The following ADAM18 variants were observed in gnomAD, a reference collection of about 807,000 sequenced individuals.
ADAM18 encodes disintegrin and metalloproteinase domain-containing protein 18.
In ADAM18, 117 loss-of-function variants were observed where a neutral mutation model predicts 94.4. The ratio of observed to expected loss-of-function variants is 1.24; its 90% CI spans 1.07 to 1.45. ADAM18 has a LOEUF of 1.45. Among genes scored for constraint, ADAM18 ranks in the 40% most tolerant of loss-of-function variants. The pLI is 0.00. For synonymous variants in ADAM18, 327 were observed against 291.6 expected (o/e 1.12, Z -1.24); for missense variants, 936 against 880.0 (o/e 1.06, Z -0.81).
chr8:39,643,756 C>G (rs555122778), intron 10 of ADAM18, among the ~76,000 whole-genome samples: 1 of 151,808 alleles, frequency 6.6e-6, no homozygotes, highest in Admixed American at 6.6e-5. Context: ...ACATGAAGTT[C>G]TTTCTGTGTC....
intron 16 of ADAM18, among the ~76,000 whole-genome samples, chr8:39,684,819 C>T (rs965149200): frequency 3.9e-5 from 6 of 152,188 alleles, no homozygotes; most frequent in Non-Finnish European, 5.9e-5. Flanking sequence ...CCCGGTGCCT[C>T]ATTTCAGGCC....
Position 39,677,532 on chromosome 8 carries a change from C to G in ADAM18, c.1627C>G (p.Arg543Gly). ...FKNSQPLPCE[R>G]KDVLCGKLAC... ...AAATTCACAACCATTACCTTGTGAA[C>G]GGAAGTACGTATGTAGAAAATGATT... The change falls in exon 15 of 20, where the codon CGG (arginine) becomes GGG (glycine). Residue 543 changes from arginine (R) to glycine (G), a missense_variant. Physicochemically the swap from Arg to Gly is moderately radical, Grantham distance 125. Transcript: ENST00000265707. 6.3e-7 allele frequency: 1 copy of G among 1,589,880 alleles called. No individual in the cohort carries two copies. The highest frequency in any genetic ancestry group is 8.6e-7 in the Non-Finnish European group (1 of 1,168,898).
intron 12 of ADAM18, among the ~76,000 whole-genome samples, chr8:39,659,003 A>G (rs1441387147): frequency 6.6e-6 from 1 of 152,180 alleles, no homozygotes; most frequent in Non-Finnish European, 1.5e-5. Context: ...AAATGTAAAG[A>G]ACACTTCACA....
Position 39,610,633 on chromosome 8 carries a change from T to C in ADAM18, c.449T>C (p.Val150Ala), listed in dbSNP as rs148690264. The change falls in exon 6 of 20, where the codon GTA becomes GCA. Residue 150 changes from valine to alanine, a missense_variant. Coordinates refer to ENST00000265707, the MANE Select transcript of ADAM18 (RefSeq NM_014237.3). The stretch of plus-strand genomic sequence containing the variant: ...CAAATGAAAAATAATGATCCAAATG[T>C]ATCCATTTTAGCAGTAAATTACAGT... Reference protein sequence around the residue: ...IYQMKNNDPNVSILAVNYSHI... With the variant: ...IYQMKNNDPNASILAVNYSHI... 2.5e-6 allele frequency: 4 copies of C among 1,613,016 alleles called. No homozygotes were observed. Among genetic ancestry groups the C allele is most frequent in the Non-Finnish European group, 3.4e-6 (4 of 1,179,308 alleles).
intron 15 of ADAM18, among the ~76,000 whole-genome samples, chr8:39,679,327 A>G (rs1456049717): frequency 6.6e-6 from 1 of 152,178 alleles, no homozygotes; most frequent in Admixed American, 6.5e-5. Context: ...AGATTTCAAT[A>G]ATTTCAAGTA....
chr8:39,689,745 T>C (rs928842633), intron 16 of ADAM18, among the ~76,000 whole-genome samples: 14 of 152,222 alleles, frequency 9.2e-5, no homozygotes, highest in Non-Finnish European at 2.1e-4. Flanking sequence ...ATCTCAGTGG[T>C]GGTTTAATGA....
intron 19 of ADAM18, among the ~76,000 whole-genome samples, chr8:39,729,083 C>T (rs537886735): frequency 3.7e-4 from 56 of 152,216 alleles, no homozygotes; most frequent in African/African-American, 1.3e-3. Flanking sequence ...GAGGAGATAT[C>T]TCACTGTGGT....
In ADAM18 at chr8:39,609,565, A is replaced by G; in HGVS notation, c.344+4A>G. On this transcript the variant is annotated splice_donor_region_variant and intron_variant, in intron 5 of 19. Coordinates refer to ENST00000265707, the MANE Select transcript of ADAM18 (RefSeq NM_014237.3). ...TCAGTATATGTTCTGGTCTCAGGTAATAGCACCTTATAAGAAATCTATAGA... is the reference window on the plus strand; with the variant it reads ...TCAGTATATGTTCTGGTCTCAGGTAGTAGCACCTTATAAGAAATCTATAGA... 4 of 1,593,174 alleles carry G rather than the reference A, an allele frequency of 2.5e-6. No homozygotes were observed. The highest frequency in any genetic ancestry group is 2.6e-6 in the Non-Finnish European group (3 of 1,164,602).
intron 16 of ADAM18, among the ~76,000 whole-genome samples, chr8:39,688,951 T>A (rs922706723): frequency 6.6e-6 from 1 of 152,186 alleles, no homozygotes; most frequent in Non-Finnish European, 1.5e-5. Context: ...ATTTGCATTT[T>A]CTTAATGCTC....
intron 11 of ADAM18, among the ~76,000 whole-genome samples, chr8:39,647,939 C>T (rs1820429749): frequency 6.6e-6 from 1 of 152,130 alleles, no homozygotes; most frequent in African/African-American, 2.4e-5. Flanking sequence ...TTTCTTATGT[C>T]TTCTCTTTCT....
At chr8:39,629,791 G>T (rs949301441) in intron 7 of ADAM18, among the ~76,000 whole-genome samples, 3 of 151,578 alleles carry the variant, frequency 2.0e-5, no homozygotes, top group East Asian at 3.9e-4. Context: ...TAAAATAAAA[G>T]ATATTTTATT....
chr8:39,610,792 T>C (rs958154482), intron 6 of ADAM18, 86 bp downstream of exon 6: 37 of 1,456,030 alleles, frequency 2.5e-5, no homozygotes, highest in Non-Finnish European at 3.4e-5. Flanking sequence ...TTTAGTTAGC[T>C]GTTGAGTAGG....
chr8:39,592,663 T>C (rs2129458067), intron 2 of ADAM18, among the ~76,000 whole-genome samples: 1 of 152,218 alleles, frequency 6.6e-6, no homozygotes, highest in Non-Finnish European at 1.5e-5. Context: ...CATAAAATGA[T>C]GAAGAAAATA....
At position 39,723,878 on chromosome 8, in the gene ADAM18, A is replaced by G. The variant is rs764114365; in HGVS notation, c.2148A>G (p.Ser716=). 12 of 1,559,314 alleles carry G rather than the reference A, an allele frequency of 7.7e-6. No individual in the cohort carries two copies. The African/African-American group carries it at 1.5e-4, about 20-fold the overall frequency. ...VIFKRNEISK[S]CNRENAEYNR... is the part of the protein sequence containing the mutation. ...TTAAAAGAAATGAAATAAGTAAATC[A>G]TGTAACAGAGAGAATGCAGAGTATA... The change falls in exon 19 of 20, where the codon TCA becomes TCG. Residue 716 remains serine, a synonymous_variant. Transcript: ENST00000265707.
intron 19 of ADAM18, among the ~76,000 whole-genome samples, chr8:39,726,535 CTAT>C (rs763513173): frequency 7.9e-5 from 12 of 152,022 alleles, no homozygotes; most frequent in Non-Finnish European, 1.8e-4. Context: ...GTTTCTTTTG[CTAT>C]GCAAAAGCTT....
rs146300196 is a variant in ADAM18, at chr8:39,597,697, G to T, written c.133-8610G>T. Among the ~76,000 whole-genome samples the T allele has an allele frequency of 5.5e-3, 832 of 152,174 alleles. 22 individuals are homozygous for T. The highest frequency in any genetic ancestry group is 0.014 in the East Asian group (71 of 5,180). ...TACTGTAGCTTTATAGTTCAGTCTT[G>T]ACATCAGGTAGTGTCAGTCCTCCAA... On this transcript the variant is annotated intron_variant, in intron 2 of 19. Transcript: ENST00000265707.
At position 39,645,395 on chromosome 8, in the gene ADAM18, C is replaced by T; in HGVS notation, c.967C>T (p.Leu323Phe). ...FSVIIAQLLGLNVGLTYDDIT... is the reference protein window; with the variant it reads ...FSVIIAQLLGFNVGLTYDDIT... ...GGTTATTATAGCTCAACTGCTTGGCCTTAATGTAGGATTAACATATGATGA... is the reference window on the plus strand; with the variant it reads ...GGTTATTATAGCTCAACTGCTTGGCTTTAATGTAGGATTAACATATGATGA... Residue 323 changes from leucine to phenylalanine, a missense_variant, in exon 11 of 20, where the codon CTT becomes TTT. Physicochemically the swap from Leu to Phe is conservative, Grantham distance 22. Coordinates refer to ENST00000265707, the MANE Select transcript of ADAM18 (RefSeq NM_014237.3). 6.2e-7 allele frequency: 1 copy of T among 1,612,576 alleles called. No homozygotes were observed. The highest frequency in any genetic ancestry group is 8.5e-7 in the Non-Finnish European group (1 of 1,179,284).
rs181291944 is a variant in ADAM18, at chr8:39,713,519, G to A, written c.2017+6615G>A. On this transcript the variant is annotated intron_variant, in intron 18 of 19. Transcript: ENST00000265707. ...TGAACAGGCAACCTACAGAATGGGA[G>A]GAAATTTTTGCAGTCTACCCTTCTG... Among the ~76,000 whole-genome samples the A allele has an allele frequency of 8.4e-4, 128 of 152,202 alleles. 5 individuals carry two copies. The highest frequency in any genetic ancestry group is 2.6e-4 in the Non-Finnish European group (18 of 68,018).
At chr8:39,599,516 G>A (rs13276944) in intron 2 of ADAM18, among the ~76,000 whole-genome samples, 87,686 of 151,824 alleles carry the variant, frequency 0.58, 27,054 homozygotes, top group Non-Finnish European at 0.7. Flanking sequence ...GTTAATTATC[G>A]ATTCAATGTC....
Sources: gnomAD v4.1 joint callset for allele counts (sites outside exome capture counted in the v4.1 genomes callset) on GRCh38, gnomAD v4.1.1 for gene constraint, MANE v1.5 for transcripts, NCBI Gene and HGNC (gene_info 2026-07-23, HGNC 2026-07-21) for gene names.